The following RWDD4 variants were observed in gnomAD, a reference collection of about 807,000 sequenced individuals.
The protein encoded by RWDD4 is RWD domain-containing protein 4.
RWDD4 carries 16 observed loss-of-function variants against 30.0 expected under a neutral mutation model. The ratio of observed to expected loss-of-function variants is 0.53; its 90% CI spans 0.36 to 0.81. The LOEUF (loss-of-function observed/expected upper bound fraction) is 0.81. Ranked by LOEUF, RWDD4 falls within the 30% of genes least tolerant of loss-of-function variation. The pLI, the probability that RWDD4 is intolerant of heterozygous loss-of-function variation, is 0.00. For synonymous variants in RWDD4, 45 were observed against 72.1 expected (o/e 0.62, Z 1.90); for missense variants, 170 against 223.9 (o/e 0.76, Z 1.54).
In RWDD4 at chr4:183,654,572, T is replaced by G. The variant is rs113073029; in HGVS notation, c.105+1309A>C. ...CATCTTATAGTACATATAAATGTCCTAGGGCATTCTGCACAACATGCTCTA... is the reference window on the plus strand; with the variant it reads ...CATCTTATAGTACATATAAATGTCCGAGGGCATTCTGCACAACATGCTCTA... On this transcript the variant is annotated intron_variant, in intron 2 of 7. Coordinates refer to ENST00000326397, the MANE Select transcript of RWDD4 (RefSeq NM_152682.4). Among the ~76,000 whole-genome samples, 255 of 152,096 alleles carry G rather than the reference T, an allele frequency of 1.7e-3. 2 individuals carry two copies. The highest frequency in any genetic ancestry group is 6.0e-3 in the African/African-American group (248 of 41,350).
At position 183,655,268 on chromosome 4, in the gene RWDD4, T is replaced by C. The variant is rs569230530; in HGVS notation, c.105+613A>G. Among the ~76,000 whole-genome samples the C allele has an allele frequency of 1.3e-4, 19 of 151,840 alleles. No homozygotes were observed. The East Asian group carries it at 2.9e-3, about 23-fold the overall frequency. ...CTTATAATCATTTGAATAAAAGGTTTATATGACTTATTTACAAAATAAAAT... is the reference window on the plus strand; with the variant it reads ...CTTATAATCATTTGAATAAAAGGTTCATATGACTTATTTACAAAATAAAAT... On this transcript the variant is annotated intron_variant, in intron 2 of 7. Coordinates refer to ENST00000326397, the MANE Select transcript of RWDD4 (RefSeq NM_152682.4).
At chr4:183,646,303 A>T in intron 7 of RWDD4, 48 bp downstream of exon 7, 1 of 799,560 alleles carries the variant, frequency 1.3e-6, no homozygotes, top group Non-Finnish European at 2.2e-6. Flanking sequence ...TCTAAAATTG[A>T]GAGTGCAGGG....
intron 7 of RWDD4, among the ~76,000 whole-genome samples, chr4:183,642,854 T>C (rs1037168930): frequency 4.0e-5 from 6 of 150,738 alleles, no homozygotes; most frequent in South Asian, 2.1e-4. Context: ...GTCAGGAGAT[T>C]GAGACCATCC....
Position 183,651,124 on chromosome 4 carries a change from C to T in RWDD4, c.223G>A (p.Ala75Thr), listed in dbSNP as rs1734065809. 5 of 1,614,092 alleles carry T rather than the reference C, an allele frequency of 3.1e-6. No individual in the cohort carries two copies. The highest frequency in any genetic ancestry group is 1.1e-5 in the South Asian group (1 of 91,080). The change falls in exon 4 of 8, where the codon GCT becomes ACT. Residue 75 changes from alanine (A) to threonine (T), a missense_variant. By Grantham distance (58) the Ala-to-Thr change is moderately conservative. Coordinates refer to ENST00000326397, the MANE Select transcript of RWDD4 (RefSeq NM_152682.4). ...NAFFNNTISSAVKQSILAKLQ... is the reference protein window; with the variant it reads ...NAFFNNTISSTVKQSILAKLQ... ...TTGGCTAATATACTCTGCTTTACAGCTGATGATCTACAATGCACAACAAAA... is the reference window on the plus strand; with the variant it reads ...TTGGCTAATATACTCTGCTTTACAGTTGATGATCTACAATGCACAACAAAA...
rs947077921 is a variant in RWDD4 at position 183,659,138 on chromosome 4, G to C, written c.-186C>G. The C allele has an allele frequency of 1.4e-5, 6 of 422,410 alleles. No individual in the cohort carries two copies. The highest frequency in any genetic ancestry group is 2.4e-5 in the Non-Finnish European group (6 of 249,360). 26.2% of individuals were successfully genotyped at this position (422,410 alleles called of 1,614,324 possible). On this transcript the variant is annotated 5_prime_UTR_variant, in exon 1 of 8. Coordinates refer to ENST00000326397, the MANE Select transcript of RWDD4 (RefSeq NM_152682.4). ...TCGGCAGCGCCCAGCCGCCGGCAGT[G>C]GGCTGTGGGCTACGAGCCGGAGCCG...
intron 1 of RWDD4, among the ~76,000 whole-genome samples, chr4:183,656,754 G>A (rs149666000): frequency 1.3e-4 from 20 of 152,344 alleles, no homozygotes; most frequent in Admixed American, 4.6e-4. Context: ...GGCTGGGCGC[G>A]GTGGCTCACA....
At chr4:183,645,418 A>G (rs1317824277) in intron 7 of RWDD4, among the ~76,000 whole-genome samples, 2 of 152,202 alleles carry the variant, frequency 1.3e-5, no homozygotes, top group Non-Finnish European at 2.9e-5. Context: ...AAACAGAAAC[A>G]GAGCATTGTT....
rs1185958781 is a variant in RWDD4 at position 183,654,953 on chromosome 4, G to GT, written c.105+927dup. On this transcript the variant is annotated intron_variant, in intron 2 of 7. Transcript: ENST00000326397. The stretch of plus-strand genomic sequence containing the variant: ...TTATAATTATTTGTGTGTTTTTTTT[G>GT]TTTTTTTTTTTGAGTCCCGCTCTGT... Among the ~76,000 whole-genome samples the GT allele has an allele frequency of 3.0e-3, 429 of 145,158 alleles. 1 individual carries two copies. The highest frequency in any genetic ancestry group is 8.9e-3 in the South Asian group (41 of 4,596).
intron 5 of RWDD4, among the ~76,000 whole-genome samples, chr4:183,648,782 C>T (rs930298705): frequency 6.6e-6 from 1 of 152,188 alleles, no homozygotes; most frequent in South Asian, 2.1e-4. Context: ...AGTTACTTTG[C>T]CACTCGGTTA....
chr4:183,646,278 TAA>T (rs538119330), intron 7 of RWDD4, 71 bp downstream of exon 7: 209 of 628,462 alleles, frequency 3.3e-4, no homozygotes, highest in Admixed American at 4.2e-4. Flanking sequence ...TTCCATTACT[TAA>T]AAAAAAAAAA....
intron 4 of RWDD4, 36 bp downstream of exon 4, chr4:183,650,948 C>A: frequency 1.3e-6 from 2 of 1,588,156 alleles, no homozygotes; most frequent in Admixed American, 1.8e-5. Context: ...ACCAAAACAA[C>A]AAAAGAATCC....
intron 7 of RWDD4, 61 bp downstream of exon 7, chr4:183,646,290 A>T: frequency 1.3e-6 from 1 of 780,070 alleles, no homozygotes; most frequent in Non-Finnish European, 2.2e-6. Flanking sequence ...AAAAAAAAAA[A>T]GATCTAAAAT....
intron 5 of RWDD4, among the ~76,000 whole-genome samples, chr4:183,648,811 T>C (rs575040256): frequency 3.9e-5 from 6 of 152,246 alleles, no homozygotes; most frequent in Admixed American, 3.9e-4. Flanking sequence ...TTTCAAATGG[T>C]GACCTCTTGT....
intron 2 of RWDD4, among the ~76,000 whole-genome samples, chr4:183,655,574 G>A (rs527417288): frequency 2.2e-4 from 34 of 152,254 alleles, no homozygotes; most frequent in South Asian, 6.2e-4. Context: ...GAGAGCCACC[G>A]CGCCCAGCCC....
chr4:183,649,018 A>G (rs961839778), intron 5 of RWDD4, among the ~76,000 whole-genome samples: 11 of 152,072 alleles, frequency 7.2e-5, no homozygotes, highest in African/African-American at 2.4e-4. Context: ...CAGTGACCCA[A>G]AAGTTCACTG....
chr4:183,655,490 T>G (rs1734173204), intron 2 of RWDD4, among the ~76,000 whole-genome samples: 1 of 152,094 alleles, frequency 6.6e-6, no homozygotes, highest in African/African-American at 2.4e-5. Flanking sequence ...TTCACCATGT[T>G]GGCCAGGATG....
At chr4:183,649,330 C>G (rs1734027544) in intron 5 of RWDD4, 121 bp downstream of exon 5, 3 of 613,910 alleles carry the variant, frequency 4.9e-6, no homozygotes, top group Non-Finnish European at 8.7e-6. Context: ...AGGAGAATCG[C>G]ATGAGCCTGG....
intron 5 of RWDD4, among the ~76,000 whole-genome samples, chr4:183,647,584 G>A (rs1310746536): frequency 6.6e-6 from 1 of 152,124 alleles, no homozygotes; most frequent in East Asian, 1.9e-4. Flanking sequence ...ATGGCTTTAG[G>A]TGGGCATCAT....
intron 2 of RWDD4, among the ~76,000 whole-genome samples, chr4:183,655,506 G>C (rs984227512): frequency 4.6e-5 from 7 of 152,024 alleles, no homozygotes; most frequent in East Asian, 1.9e-4. Flanking sequence ...GGATGGTCTC[G>C]ATCTCCTGAC....
Sources: gnomAD v4.1 joint callset for allele counts (sites outside exome capture counted in the v4.1 genomes callset) on GRCh38, gnomAD v4.1.1 for gene constraint, MANE v1.5 for transcripts, NCBI Gene and HGNC (gene_info 2026-07-23, HGNC 2026-07-21) for gene names.